HYCC2: variants seen among roughly 807,000 people sequenced by gnomAD.
The protein encoded by HYCC2 is hyccin 2.
At chr2:200,976,017 A>G in the HYCC2 span, 11 of 152,240 alleles carry the variant, frequency 7.2e-5, no homozygotes, top group African/African-American at 1.2e-4. Context: ...TTTTATTAGC[A>G]TTGTTAACAG....
At chr2:201,009,616 C>T in the HYCC2 span, among the ~76,000 whole-genome samples, 1 of 152,060 alleles carries the variant, frequency 6.6e-6, no homozygotes, top group African/African-American at 2.4e-5. Context: ...CCCACTACCA[C>T]ATCCAGCTAA....
the HYCC2 span, chr2:200,981,594 T>A: frequency 1.2e-6 from 2 of 1,613,608 alleles, no homozygotes; most frequent in Admixed American, 3.3e-5. The surrounding 1 kb of genome is among the most constrained non-coding windows in gnomAD (Gnocchi z 4.5). Context: ...TCTTCATTGG[T>A]GTCAGCTCAA....
chr2:200,986,931 A>C, the HYCC2 span, among the ~76,000 whole-genome samples: 1 of 152,194 alleles, frequency 6.6e-6, no homozygotes, highest in Non-Finnish European at 1.5e-5. Context: ...TAATGTTTTA[A>C]AACTCTCTTC....
chr2:201,020,958 G>A, the HYCC2 span, among the ~76,000 whole-genome samples: 2 of 152,050 alleles, frequency 1.3e-5, no homozygotes, highest in African/African-American at 4.8e-5. Flanking sequence ...TAGTAGAGAC[G>A]GGGTTTCATC....
At chr2:201,071,096 G>C in the HYCC2 span, among the ~76,000 whole-genome samples, 2 of 152,178 alleles carry the variant, frequency 1.3e-5, no homozygotes, top group Non-Finnish European at 2.9e-5. Flanking sequence ...AGTTGTTTGG[G>C]TAAATAACAG....
the HYCC2 span, among the ~76,000 whole-genome samples, chr2:201,068,955 CA>C: frequency 1.7e-4 from 26 of 151,884 alleles, no homozygotes; most frequent in African/African-American, 6.0e-4. Flanking sequence ...CGATGACAGA[CA>C]AAAAAATCTT....
At chr2:201,056,818 C>T in the HYCC2 span, among the ~76,000 whole-genome samples, 1 of 152,070 alleles carries the variant, frequency 6.6e-6, no homozygotes, top group Admixed American at 6.6e-5. Flanking sequence ...CAACACAGAC[C>T]ACCAGGCACT....
the HYCC2 span, chr2:200,981,089 G>C: frequency 2.8e-6 from 2 of 706,320 alleles, no homozygotes; most frequent in Non-Finnish European, 4.7e-6. The surrounding 1 kb of genome is among the most constrained non-coding windows in gnomAD (Gnocchi z 4.5). Flanking sequence ...GAAGATGTAG[G>C]AAAGAGGGAT....
At chr2:201,008,769 A>AGAT in the HYCC2 span, among the ~76,000 whole-genome samples, 1 of 152,090 alleles carries the variant, frequency 6.6e-6, no homozygotes, top group Non-Finnish European at 1.5e-5. Context: ...ATGGTGGTGT[A>AGAT]CACCTGTAGT....
chr2:201,006,856 T>C, the HYCC2 span, among the ~76,000 whole-genome samples: 2 of 152,188 alleles, frequency 1.3e-5, no homozygotes, highest in Non-Finnish European at 2.9e-5. Flanking sequence ...TGAATACTAA[T>C]GGAACATGAC....
At chr2:201,065,333 CTATT>C in the HYCC2 span, among the ~76,000 whole-genome samples, 2 of 152,260 alleles carry the variant, frequency 1.3e-5, no homozygotes, top group Middle Eastern at 3.4e-3. Flanking sequence ...GCACTATAGT[CTATT>C]TAACCTGTTG....
chr2:201,071,286 A>T, the HYCC2 span: 11 of 152,116 alleles, frequency 7.2e-5, no homozygotes, highest in African/African-American at 2.7e-4. Flanking sequence ...TGTGCAAAGA[A>T]TCCCTTCAGC....
the HYCC2 span, among the ~76,000 whole-genome samples, chr2:201,001,226 G>C: frequency 6.6e-6 from 1 of 152,024 alleles, no homozygotes; most frequent in South Asian, 2.1e-4. Flanking sequence ...TCTAGAAGGT[G>C]CCATCTATGA....
At chr2:201,005,672 ATTGATAGGGAGGCAC>A in the HYCC2 span, among the ~76,000 whole-genome samples, 1 of 152,146 alleles carries the variant, frequency 6.6e-6, no homozygotes, top group Admixed American at 6.5e-5. Context: ...TTGGGAGTGA[ATTGATAGGGAGGCAC>A]TTGCTAGCCA....
the HYCC2 span, among the ~76,000 whole-genome samples, chr2:201,036,142 G>C: frequency 1.3e-5 from 2 of 152,272 alleles, no homozygotes; most frequent in Admixed American, 6.5e-5. Context: ...AGAAAATCTA[G>C]AAGAAATGGA....
At chr2:201,063,886 C>T in the HYCC2 span, 19,603 of 1,595,682 alleles carry the variant, frequency 0.012, 175 homozygotes, top group Middle Eastern at 0.03. Flanking sequence ...TTGGCAATTA[C>T]AAAAATCAGT....
the HYCC2 span, among the ~76,000 whole-genome samples, chr2:201,069,574 ACACAC>A: frequency 3.4e-5 from 5 of 148,124 alleles, no homozygotes; most frequent in African/African-American, 1.2e-4. Flanking sequence ...ACACACACAC[ACACAC>A]ACACACACAC....
At chr2:201,049,369 A>T in the HYCC2 span, among the ~76,000 whole-genome samples, 1 of 151,766 alleles carries the variant, frequency 6.6e-6, no homozygotes, top group African/African-American at 2.4e-5. Context: ...TTTTTTTTTG[A>T]GACGGAGTCT....
the HYCC2 span, chr2:200,996,888 A>C: frequency 6.6e-6 from 1 of 152,418 alleles, no homozygotes; most frequent in Non-Finnish European, 1.5e-5. Context: ...AAGATATATC[A>C]CTAAACAACC....
Sources: allele counts gnomAD v4.1 joint callset (sites outside exome capture counted in the v4.1 genomes callset), GRCh38; gene constraint gnomAD v4.1.1; non-coding constraint Gnocchi (gnomAD v3.1); transcripts MANE v1.5; gene names NCBI Gene and HGNC (gene_info 2026-07-23, HGNC 2026-07-21).